MRPS18A: variants seen among roughly 807,000 people sequenced by gnomAD.
MRPS18A encodes the protein large ribosomal subunit protein mL66.
A neutral mutation model predicts 22.7 loss-of-function variants in MRPS18A; 20 were observed. The observed-to-expected ratio is 0.88, with a 90% CI of 0.62 to 1.28. MRPS18A has a LOEUF of 1.28. MRPS18A is among the 50% of genes most tolerant of loss of function. The pLI is 0.00. For missense variants in MRPS18A, 294 were observed against 262.6 expected, an observed-to-expected ratio of 1.12 and a Z score of -0.83; for synonymous variants, 106 against 99.1, an observed-to-expected ratio of 1.07 and a Z score of -0.41.
At chr6:43,677,063 T>C (rs16896641) in intron 3 of MRPS18A, among the ~76,000 whole-genome samples, 8,942 of 152,272 alleles carry the variant, frequency 0.059, 317 homozygotes, top group East Asian at 0.099. Flanking sequence ...ATTAGATTTC[T>C]TCTGCTGGAG....
In MRPS18A at chr6:43,673,843, C is replaced by T. The variant is rs1311351472; in HGVS notation, c.446+1359G>A. Among the ~76,000 whole-genome samples the T allele has an allele frequency of 6.6e-6, 1 of 152,254 alleles. No individual in the cohort carries two copies. Among genetic ancestry groups the T allele is most frequent in the Admixed American group, 6.5e-5 (1 of 15,286 alleles). ...TCCCGCTCAGCGTGGCCTTTTGCAA[C>T]CGACTAGCCCCCACACATCATCAAT... On this transcript the variant is annotated intron_variant, in intron 5 of 5. Transcript: ENST00000372133. The surrounding 1 kb of genome is among the most constrained non-coding windows in gnomAD (Gnocchi z 4.2).
In MRPS18A at chr6:43,671,839, C is replaced by T; in HGVS notation, c.514G>A (p.Val172Met). Residue 172 changes from valine to methionine, a missense_variant, in exon 6 of 6, where the codon GTG (valine) becomes ATG (methionine). By Grantham distance (21) the Val-to-Met change is conservative. Transcript: ENST00000372133. ...IYKKGPRWNR[V>M]RMPVGSPLLR... ...AGGGGTGACCCCACGGGCATGCGCA[C>T]CCTGTTCCAGCGGGGGCCTTTTTTG... The T allele has an allele frequency of 6.2e-7, 1 of 1,614,188 alleles. No homozygotes were observed. The highest frequency in any genetic ancestry group is 8.5e-7 in the Non-Finnish European group (1 of 1,180,020).
At position 43,681,112 on chromosome 6, in the gene MRPS18A, T is replaced by A. The variant is rs780659235; in HGVS notation, c.121A>T (p.Thr41Ser). 1 of 1,613,390 alleles carries A rather than the reference T, an allele frequency of 6.2e-7. No homozygotes were observed. Among genetic ancestry groups the A allele is most frequent in the Non-Finnish European group, 8.5e-7 (1 of 1,179,486 alleles). The change falls in exon 2 of 6, where the codon ACC becomes TCC. Residue 41 changes from threonine to serine, a missense_variant. Thr to Ser is a moderately conservative substitution (Grantham distance 58). Transcript: ENST00000372133. Reference protein sequence around the residue: ...PARGFREVVETQEGKTTIIEG... With the variant: ...PARGFREVVESQEGKTTIIEG... ...ACTATAGTTGTCTTCCCTTCTTGGG[T>A]CTCCACCACTACGGAGATAAAGGGG...
intron 3 of MRPS18A, among the ~76,000 whole-genome samples, chr6:43,678,161 T>C (rs867102011): frequency 1.6e-4 from 24 of 152,056 alleles, no homozygotes; most frequent in Admixed American, 1.3e-4. Flanking sequence ...CGGGAGAGCA[T>C]TGAAAAAATG....
intron 3 of MRPS18A, 143 bp from the exon 4 acceptor site, chr6:43,675,760 A>G (rs947348471): frequency 7.3e-6 from 7 of 954,012 alleles, no homozygotes; most frequent in African/African-American, 6.6e-5. Flanking sequence ...AGCTTTGCAC[A>G]TGGGTCTGCT....
chr6:43,675,292 G>A (rs766307881), intron 4 of MRPS18A, 21 bp from the exon 5 acceptor site: 87 of 1,541,120 alleles, frequency 5.6e-5, no homozygotes, highest in Non-Finnish European at 4.9e-5. Context: ...GGGAAGAGGG[G>A]ATAGTCTTTG....
chr6:43,682,550 T>C (rs1170708952), intron 1 of MRPS18A, among the ~76,000 whole-genome samples: 1 of 152,144 alleles, frequency 6.6e-6, no homozygotes, highest in African/African-American at 2.4e-5. Flanking sequence ...GGAATAACAA[T>C]GGCTAGAAAA....
intron 5 of MRPS18A, chr6:43,672,550 C>T (rs980420733): frequency 1.1e-4 from 46 of 417,040 alleles, no homozygotes; most frequent in Admixed American, 3.9e-4. Context: ...TGGCTCATGC[C>T]GGCTAGGATT....
intron 1 of MRPS18A, among the ~76,000 whole-genome samples, chr6:43,687,155 G>A (rs1398505053): frequency 6.6e-6 from 1 of 152,146 alleles, no homozygotes; most frequent in South Asian, 2.1e-4. Context: ...ATTTGCCTAT[G>A]TCTCAGCTAT....
At position 43,673,069 on chromosome 6, in the gene MRPS18A, C is replaced by T. The variant is rs1433710722; in HGVS notation, c.447-1163G>A. On this transcript the variant is annotated intron_variant, in intron 5 of 5. Coordinates refer to ENST00000372133, the MANE Select transcript of MRPS18A (RefSeq NM_018135.4). The surrounding 1 kb of genome is among the most constrained non-coding windows in gnomAD (Gnocchi z 4.2). Reference sequence around the variant, plus strand: ...GTGGCGCGATCTCGGCTCACTGCAACTTCCGCCTCCTGGGTTTAAGCAATT... The same window carrying T: ...GTGGCGCGATCTCGGCTCACTGCAATTTCCGCCTCCTGGGTTTAAGCAATT... Among the ~76,000 whole-genome samples, 1 of 150,278 alleles carries T rather than the reference C, an allele frequency of 6.7e-6. No homozygotes were observed. Among genetic ancestry groups the T allele is most frequent in the Non-Finnish European group, 1.5e-5 (1 of 67,778 alleles).
rs748937171 is a variant in MRPS18A, at chr6:43,678,586, T to C, written c.184A>G (p.Asn62Asp). 1.7e-5 allele frequency: 27 copies of C among 1,613,830 alleles called. No individual in the cohort carries two copies. The highest frequency in any genetic ancestry group is 3.3e-5 in the Admixed American group (2 of 59,994). Residue 62 changes from asparagine to aspartate, a missense_variant, in exon 3 of 6, where the codon AAT becomes GAT. Asn to Asp is a conservative substitution (Grantham distance 23). Transcript: ENST00000372133. ...RITATPKESP[N>D]PPNPSGQCPI... ...CACTGGCCAGAGGGGTTAGGAGGAT[T>C]TGGACTCTCCTTGGGAGTCGCTGTG...
chr6:43,687,687 T>A lies in MRPS18A; in HGVS notation c.93A>T (p.Pro31=), dbSNP rs1297381497. The A allele has an allele frequency of 1.9e-6, 3 of 1,577,260 alleles. No individual in the cohort carries two copies. Among genetic ancestry groups the A allele is most frequent in the Non-Finnish European group, 2.6e-6 (3 of 1,161,442 alleles). Residue 31 remains proline (P), a synonymous_variant, in exon 1 of 6, where the codon CCA becomes CCT. Coordinates refer to ENST00000372133, the MANE Select transcript of MRPS18A (RefSeq NM_018135.4). ...GPAATSWSRL[P]ARGFREVVET... Reference sequence around the variant, plus strand: ...ACTCACCTTCCCTGAACCCGCGAGCTGGAAGCCGAGACCAGCTGGTCGCTG... The same window carrying A: ...ACTCACCTTCCCTGAACCCGCGAGCAGGAAGCCGAGACCAGCTGGTCGCTG...
intron 1 of MRPS18A, among the ~76,000 whole-genome samples, chr6:43,683,210 A>G (rs1056020644): frequency 6.6e-6 from 1 of 152,190 alleles, no homozygotes; most frequent in African/African-American, 2.4e-5. Flanking sequence ...CCACGCAGCA[A>G]CTGTGAGCCA....
At chr6:43,678,799 C>A (rs962472169) in intron 2 of MRPS18A, among the ~76,000 whole-genome samples, 174 bp from the exon 3 acceptor site, 2 of 152,084 alleles carry the variant, frequency 1.3e-5, no homozygotes, top group African/African-American at 4.8e-5. Flanking sequence ...CTGTAGTTGC[C>A]GTATGCTAGG....
At chr6:43,679,701 G>A (rs1309594761) in intron 2 of MRPS18A, among the ~76,000 whole-genome samples, 1 of 152,164 alleles carries the variant, frequency 6.6e-6, no homozygotes, top group African/African-American at 2.4e-5. Flanking sequence ...GGGAGAAGTG[G>A]CACAGGGGAA....
At chr6:43,677,693 G>A (rs962453830) in intron 3 of MRPS18A, among the ~76,000 whole-genome samples, 1 of 152,144 alleles carries the variant, frequency 6.6e-6, no homozygotes, top group African/African-American at 2.4e-5. Context: ...TGGGGGATCT[G>A]AGGCAAGTTC....
chr6:43,680,612 ACAAACCAGGGCGC>A (rs1774345111), intron 2 of MRPS18A, among the ~76,000 whole-genome samples: 1 of 152,222 alleles, frequency 6.6e-6, no homozygotes, highest in Admixed American at 6.5e-5. Context: ...TTACCAACAG[ACAAACCAGGGCGC>A]CAGCTAGTGA....
At chr6:43,672,110 A>G (rs1161115471) in intron 5 of MRPS18A, 14 of 643,980 alleles carry the variant, frequency 2.2e-5, no homozygotes, top group Non-Finnish European at 3.7e-5. Flanking sequence ...TGCTGCCGCA[A>G]GCCTGTGTGG....
intron 1 of MRPS18A, among the ~76,000 whole-genome samples, chr6:43,684,731 G>A (rs1774596289): frequency 6.6e-6 from 1 of 152,122 alleles, no homozygotes; most frequent in South Asian, 2.1e-4. Context: ...TGAAACGTTA[G>A]GTCTTCCAGA....
Sources: allele counts gnomAD v4.1 joint callset (sites outside exome capture counted in the v4.1 genomes callset), GRCh38; gene constraint gnomAD v4.1.1; non-coding constraint Gnocchi (gnomAD v3.1); transcripts MANE v1.5; gene names NCBI Gene and HGNC (gene_info 2026-07-23, HGNC 2026-07-21).